The following POU6F2 variants were observed in gnomAD, a reference collection of about 807,000 sequenced individuals.
POU6F2 encodes the protein POU domain, class 6, transcription factor 2.
Under a neutral mutation model 71.3 loss-of-function variants are expected in POU6F2, and 31 were observed. The observed-to-expected ratio is 0.43, with a 90% confidence interval of 0.33 to 0.59. POU6F2 has a LOEUF of 0.59. Among genes scored for constraint, POU6F2 ranks in the 20% least tolerant of loss-of-function variants. The pLI is 0.04. For missense variants in POU6F2, 783 were observed against 856.8 expected, an observed-to-expected ratio of 0.91 and a Z score of 1.07; for synonymous variants, 347 against 355.7, an observed-to-expected ratio of 0.98 and a Z score of 0.27.
intron 4 of POU6F2, among the ~76,000 whole-genome samples, chr7:39,234,879 T>C (rs1432670906): frequency 1.3e-5 from 2 of 152,226 alleles, no homozygotes; most frequent in African/African-American, 2.4e-5. Flanking sequence ...ATCAAAATAA[T>C]TCTTTTGCCA....
rs144583179 is a variant in POU6F2 at position 39,459,670 on chromosome 7, A to G, written c.1490-877A>G. 4.4e-3 allele frequency among the ~76,000 whole-genome samples: 674 copies of G among 152,350 alleles called. 8 individuals are homozygous for G. The highest frequency in any genetic ancestry group is 0.015 in the African/African-American group (636 of 41,572). On this transcript the variant is annotated intron_variant, in intron 8 of 9. Transcript: ENST00000518318. Reference sequence around the variant, plus strand: ...AGGTGAAGAACAATAGAGTCAGCTCACAGGGAGAATGGCTTTGCTACAGGC... The same window carrying G: ...AGGTGAAGAACAATAGAGTCAGCTCGCAGGGAGAATGGCTTTGCTACAGGC...
chr7:39,082,285 A>C (rs757069135), intron 1 of POU6F2, among the ~76,000 whole-genome samples: 2 of 152,202 alleles, frequency 1.3e-5, no homozygotes, highest in Non-Finnish European at 2.9e-5. Flanking sequence ...GGCACATGCC[A>C]CATCCTATTG....
intron 1 of POU6F2, among the ~76,000 whole-genome samples, chr7:39,026,580 A>T (rs914918143): frequency 3.3e-5 from 5 of 151,894 alleles, no homozygotes; most frequent in African/African-American, 7.3e-5. Context: ...AAGGGGAACA[A>T]CACACTCTGG....
intron 5 of POU6F2, among the ~76,000 whole-genome samples, chr7:39,381,058 T>TTTTTTG (rs199922668): frequency 0.02 from 3,064 of 152,188 alleles, 70 homozygotes; most frequent in Admixed American, 0.077. Context: ...GCCTTTTTTG[T>TTTTTTG]TTTTTGTTTT....
At chr7:39,053,046 G>A (rs902853527) in intron 1 of POU6F2, among the ~76,000 whole-genome samples, 1 of 152,116 alleles carries the variant, frequency 6.6e-6, no homozygotes, top group African/African-American at 2.4e-5. Flanking sequence ...TAGAAACTTG[G>A]GCAGGGGTGT....
chr7:39,162,280 G>A (rs907051319), intron 2 of POU6F2, among the ~76,000 whole-genome samples: 7 of 152,130 alleles, frequency 4.6e-5, no homozygotes, highest in Non-Finnish European at 8.8e-5. Context: ...ACAGTAGTTA[G>A]GATATTTTAA....
At chr7:39,329,454 G>C (rs1055354208) in intron 4 of POU6F2, among the ~76,000 whole-genome samples, 2 of 151,964 alleles carry the variant, frequency 1.3e-5, no homozygotes, top group Non-Finnish European at 2.9e-5. Flanking sequence ...AAACACCTCT[G>C]ATAATAGTTT....
At chr7:39,302,977 C>G (rs1183062369) in intron 4 of POU6F2, among the ~76,000 whole-genome samples, 3 of 152,200 alleles carry the variant, frequency 2.0e-5, no homozygotes, top group Non-Finnish European at 4.4e-5. Flanking sequence ...TCAGTTGCTC[C>G]AGGCTGGGGC....
At chr7:39,193,199 A>AT (rs35323991) in intron 2 of POU6F2, among the ~76,000 whole-genome samples, 1 of 152,026 alleles carries the variant, frequency 6.6e-6, no homozygotes, top group Non-Finnish European at 1.5e-5. Flanking sequence ...CATTATTAAC[A>AT]TTTTTTTAAA....
chr7:39,443,023 C>T (rs1788439270), intron 7 of POU6F2, among the ~76,000 whole-genome samples: 1 of 152,136 alleles, frequency 6.6e-6, no homozygotes, highest in Non-Finnish European at 1.5e-5. Context: ...ACCCCTTGCT[C>T]ACAGCAGATA....
chr7:39,092,241 G>A (rs894984123), intron 2 of POU6F2, among the ~76,000 whole-genome samples: 8 of 152,180 alleles, frequency 5.3e-5, no homozygotes, highest in African/African-American at 1.9e-4. Context: ...CAAAGGCAGA[G>A]GTAGCTAGAG....
chr7:39,217,737 G>A (rs778078152), intron 4 of POU6F2, among the ~76,000 whole-genome samples: 1 of 152,130 alleles, frequency 6.6e-6, no homozygotes. Context: ...GTTGCAATGT[G>A]TCTTACTTTG....
intron 1 of POU6F2, among the ~76,000 whole-genome samples, chr7:39,001,296 G>A (rs1399712502): frequency 1.3e-5 from 2 of 151,698 alleles, no homozygotes; most frequent in African/African-American, 4.9e-5. Flanking sequence ...TATAAACAAA[G>A]AGTTGATAAT....
At chr7:39,401,776 C>G (rs1787309514) in intron 5 of POU6F2, among the ~76,000 whole-genome samples, 1 of 152,174 alleles carries the variant, frequency 6.6e-6, no homozygotes. Flanking sequence ...ACACCGTAGT[C>G]CCAGGGTTCT....
At chr7:39,438,453 A>T (rs988562795) in intron 7 of POU6F2, among the ~76,000 whole-genome samples, 1 of 152,218 alleles carries the variant, frequency 6.6e-6, no homozygotes, top group Non-Finnish European at 1.5e-5. Context: ...TCATTTGGGT[A>T]TATACCCAGT....
At chr7:39,412,544 A>G (rs781231826) in intron 6 of POU6F2, among the ~76,000 whole-genome samples, 21 of 152,158 alleles carry the variant, frequency 1.4e-4, no homozygotes, top group Non-Finnish European at 2.6e-4. Context: ...CATGGAAAAG[A>G]AATATGTGTA....
At chr7:39,146,000 T>G (rs1792614839) in intron 2 of POU6F2, among the ~76,000 whole-genome samples, 1 of 152,230 alleles carries the variant, frequency 6.6e-6, no homozygotes, top group Non-Finnish European at 1.5e-5. Flanking sequence ...GCCTGCTATG[T>G]GCACAGAATT....
chr7:39,425,051 C>T (rs1466286343), intron 6 of POU6F2, among the ~76,000 whole-genome samples: 1 of 152,136 alleles, frequency 6.6e-6, no homozygotes, highest in Non-Finnish European at 1.5e-5. Flanking sequence ...GGACTTTCCT[C>T]TACGAGGTTT....
At chr7:39,228,634 C>T (rs896469864) in intron 4 of POU6F2, among the ~76,000 whole-genome samples, 4 of 152,166 alleles carry the variant, frequency 2.6e-5, no homozygotes, top group Admixed American at 2.6e-4. Flanking sequence ...CACAGGATGC[C>T]GCCGAGGTCA....
Sources: gnomAD v4.1 joint callset for allele counts (sites outside exome capture counted in the v4.1 genomes callset) on GRCh38, gnomAD v4.1.1 for gene constraint, MANE v1.5 for transcripts, NCBI Gene and HGNC (gene_info 2026-07-23, HGNC 2026-07-21) for gene names.